Variants in ZNF334 observed in about 807,000 individuals in gnomAD.
The protein encoded by ZNF334 is zinc finger protein 334.
ZNF334 carries 14 observed loss-of-function variants against 12.4 expected under a neutral mutation model. The ratio of observed to expected loss-of-function variants is 1.13; its 90% CI spans 0.74 to 1.76. ZNF334 has a LOEUF of 1.76. Among genes scored for constraint, ZNF334 ranks in the 40% most tolerant of loss-of-function variants. ZNF334 has a pLI of 0.00. For missense variants in ZNF334, 797 were observed against 804.5 expected (o/e 0.99, Z 0.11); for synonymous variants, 273 against 269.6 (o/e 1.01, Z -0.12).
the ZNF334 span, among the ~76,000 whole-genome samples, chr20:46,484,753 A>T: frequency 6.6e-6 from 1 of 152,198 alleles, no homozygotes; most frequent in Admixed American, 6.5e-5. Flanking sequence ...TCTTGGGATG[A>T]TACAAGCTTC....
At chr20:46,468,758 G>T in the ZNF334 span, among the ~76,000 whole-genome samples, 2 of 152,250 alleles carry the variant, frequency 1.3e-5, no homozygotes, top group African/African-American at 4.8e-5. Context: ...ATGTCTTATG[G>T]AGAGGGGCTT....
chr20:46,504,131 CATTACGATGCCAACT>C, intron 4 of ZNF334, 68 bp downstream of exon 4: 1 of 937,438 alleles, frequency 1.1e-6, no homozygotes, highest in Admixed American at 2.7e-5. Flanking sequence ...TCATGAAAAA[CATTACGATGCCAACT>C]ATTACCACCG....
In ZNF334 at chr20:46,501,485, A is replaced by G. The variant is rs989630500; in HGVS notation, c.1854T>C (p.His618=). The change falls in exon 5 of 5, where the codon CAT becomes CAC. Residue 618 remains histidine, a synonymous_variant. Transcript: ENST00000692313. ...GTTTCTCTCCTGTGTGAATTCTTCTATGGACTCTGAAGGCTGACTTATGGC... is the reference window on the plus strand; with the variant it reads ...GTTTCTCTCCTGTGTGAATTCTTCTGTGGACTCTGAAGGCTGACTTATGGC... The part of the protein sequence containing the change: ...SFCHKSAFRV[H]RRIHTGEKPY... 3.1e-6 allele frequency: 5 copies of G among 1,613,962 alleles called. No individual in the cohort carries two copies. The African/African-American group carries it at 6.7e-5, about 22-fold the overall frequency.
the ZNF334 span, among the ~76,000 whole-genome samples, chr20:46,486,591 T>C: frequency 1.3e-5 from 2 of 152,156 alleles, no homozygotes; most frequent in Admixed American, 1.3e-4. Context: ...TTCTTTAACA[T>C]GCATCCATCA....
the ZNF334 span, chr20:46,464,940 C>A: frequency 2.0e-6 from 1 of 496,964 alleles, no homozygotes; most frequent in South Asian, 1.6e-5. Flanking sequence ...AGATCTGTAG[C>A]AGTTGCTTGT....
In ZNF334 at chr20:46,502,816, G is replaced by A. The variant is rs2061284826; in HGVS notation, c.523C>T (p.His175Tyr). 6.2e-7 allele frequency: 1 copy of A among 1,613,734 alleles called. No individual in the cohort carries two copies. The highest frequency in any genetic ancestry group is 1.3e-5 in the African/African-American group (1 of 74,884). ...YSGFGKHEKS[H>Y]LGMKKYRYNP... ...TATCTGTATTTTTTCATTCCCAAAT[G>A]ACTTTTCTCATGCTTCCCAAATCCA... is the stretch of plus-strand genomic sequence containing the variant. Residue 175 changes from histidine to tyrosine, a missense_variant, in exon 5 of 5, where the codon CAT becomes TAT. By Grantham distance (83) the His-to-Tyr change is moderately conservative (BLOSUM62 2). Transcript: ENST00000692313.
At chr20:46,489,439 C>T in the ZNF334 span, among the ~76,000 whole-genome samples, 4 of 152,022 alleles carry the variant, frequency 2.6e-5, no homozygotes, top group Non-Finnish European at 5.9e-5. Flanking sequence ...GAGGCTGAGG[C>T]GGTCAGGCCA....
intron 2 of ZNF334, 151 bp downstream of exon 2, chr20:46,511,931 T>C: frequency 1.4e-6 from 1 of 700,358 alleles, no homozygotes; most frequent in Non-Finnish European, 2.4e-6. Flanking sequence ...TAGGAATATA[T>C]GATTTCTGTA....
At chr20:46,510,757 CAAA>C (rs11475698) in intron 2 of ZNF334, among the ~76,000 whole-genome samples, 11 of 98,306 alleles carry the variant, frequency 1.1e-4, no homozygotes, top group East Asian at 2.8e-4. Flanking sequence ...GAGCCCATTT[CAAA>C]AAAAAAAAAA....
chr20:46,485,430 G>GTTTT, the ZNF334 span: 1 of 142,366 alleles, frequency 7.0e-6, no homozygotes, highest in Non-Finnish European at 1.5e-5. Flanking sequence ...GTCACAGAAG[G>GTTTT]TTTTTTTTGT....
At chr20:46,511,079 G>T (rs977736921) in intron 2 of ZNF334, among the ~76,000 whole-genome samples, 3 of 152,064 alleles carry the variant, frequency 2.0e-5, no homozygotes, top group Non-Finnish European at 4.4e-5. Flanking sequence ...ACAAAAGATT[G>T]TATAAAAGAT....
chr20:46,503,974 G>A (rs2061340893), intron 4 of ZNF334, among the ~76,000 whole-genome samples: 1 of 152,158 alleles, frequency 6.6e-6, no homozygotes, highest in Admixed American at 6.5e-5. Flanking sequence ...GATAAAAGAA[G>A]AACTTGAATT....
intron 3 of ZNF334, 127 bp from the exon 4 acceptor site, chr20:46,504,433 A>T (rs925953617): frequency 2.9e-5 from 33 of 1,135,842 alleles, no homozygotes; most frequent in Non-Finnish European, 3.8e-5. Flanking sequence ...TAAAGCTAGA[A>T]CATTTTGGTG....
chr20:46,465,152 A>G, the ZNF334 span: 1 of 209,400 alleles, frequency 4.8e-6, no homozygotes, highest in Non-Finnish European at 9.5e-6. Flanking sequence ...AGCTACTGCC[A>G]CTCCTTCTTC....
chr20:46,462,674 A>G, the ZNF334 span, among the ~76,000 whole-genome samples: 1 of 152,192 alleles, frequency 6.6e-6, no homozygotes, highest in South Asian at 2.1e-4. Context: ...GGCTAACCCC[A>G]TTTCTTTCTT....
At chr20:46,483,264 T>C in the ZNF334 span, among the ~76,000 whole-genome samples, 1 of 151,992 alleles carries the variant, frequency 6.6e-6, no homozygotes, top group Non-Finnish European at 1.5e-5. Context: ...TCATATACTT[T>C]AGGCATTTGT....
chr20:46,498,273 G>A (rs1456412301), downstream of ZNF334, among the ~76,000 whole-genome samples: 2 of 152,150 alleles, frequency 1.3e-5, no homozygotes, highest in African/African-American at 2.4e-5. Context: ...TGGTCTGTGT[G>A]ACCAATTAAG....
chr20:46,471,274 C>T, the ZNF334 span, among the ~76,000 whole-genome samples: 1 of 152,114 alleles, frequency 6.6e-6, no homozygotes, highest in Non-Finnish European at 1.5e-5. Flanking sequence ...GTGTGACGTG[C>T]CTGTTCAAGT....
chr20:46,482,479 A>C, the ZNF334 span, among the ~76,000 whole-genome samples: 1 of 152,202 alleles, frequency 6.6e-6, no homozygotes, highest in Non-Finnish European at 1.5e-5. Flanking sequence ...AATCAGGCAG[A>C]CCTGAGTTAA....
Sources: allele counts gnomAD v4.1 joint callset (sites outside exome capture counted in the v4.1 genomes callset), GRCh38; gene constraint gnomAD v4.1.1; transcripts MANE v1.5; gene names NCBI Gene and HGNC (gene_info 2026-07-23, HGNC 2026-07-21).